DOCK7: variants seen among roughly 807,000 people sequenced by gnomAD.
DOCK7 encodes dedicator of cytokinesis protein 7.
Under a neutral mutation model 271.0 loss-of-function variants are expected in DOCK7, and 138 were observed. That is an observed-to-expected ratio of 0.51 (90% CI 0.44 to 0.59). The LOEUF (loss-of-function observed/expected upper bound fraction) is 0.59, where lower values mean the gene tolerates loss of function less well. Among genes scored for constraint, DOCK7 ranks in the 20% least tolerant of loss-of-function variants. The pLI, the probability that DOCK7 is intolerant of heterozygous loss-of-function variation, is 0.00. For synonymous variants in DOCK7, 823 were observed against 876.1 expected, an observed-to-expected ratio of 0.94 and a Z score of 1.07; for missense variants, 2,066 against 2,592.4, an observed-to-expected ratio of 0.80 and a Z score of 4.41.
chr1:62,477,318 G>T (rs1297035853), intron 44 of DOCK7, among the ~76,000 whole-genome samples: 1 of 152,158 alleles, frequency 6.6e-6, no homozygotes, highest in East Asian at 1.9e-4. Flanking sequence ...AAGCCAAAGA[G>T]ATAATATGCT....
At chr1:62,620,975 C>A (rs1438214109) in intron 12 of DOCK7, among the ~76,000 whole-genome samples, 2 of 142,552 alleles carry the variant, frequency 1.4e-5, no homozygotes, top group African/African-American at 5.2e-5. Flanking sequence ...AGACATAAAA[C>A]AGAATCAAAA....
At chr1:62,664,495 G>A (rs532618623) in intron 1 of DOCK7, among the ~76,000 whole-genome samples, 7 of 152,214 alleles carry the variant, frequency 4.6e-5, no homozygotes, top group African/African-American at 1.4e-4. Flanking sequence ...GTGGAACTAC[G>A]AGTCCATTAA....
chr1:62,542,534 G>A, intron 25 of DOCK7, 74 bp downstream of exon 25: 1 of 1,414,100 alleles, frequency 7.1e-7, no homozygotes, highest in Non-Finnish European at 9.7e-7. Flanking sequence ...AGATTTCTAA[G>A]GTAACAAATG....
intron 18 of DOCK7, among the ~76,000 whole-genome samples, chr1:62,570,605 C>T (rs1646739335): frequency 6.6e-6 from 1 of 152,124 alleles, no homozygotes; most frequent in Non-Finnish European, 1.5e-5. Context: ...CAAGACAATT[C>T]TAAACAAAAA....
intron 1 of DOCK7, among the ~76,000 whole-genome samples, chr1:62,674,681 C>T (rs1427668716): frequency 1.3e-5 from 2 of 152,026 alleles, no homozygotes; most frequent in African/African-American, 4.8e-5. Flanking sequence ...TTTTTTTTGA[C>T]AATGGTGCCA....
At chr1:62,633,440 T>A in intron 10 of DOCK7, 58 bp downstream of exon 10, 1 of 1,301,770 alleles carries the variant, frequency 7.7e-7, no homozygotes, top group Non-Finnish European at 1.1e-6. Context: ...GGGAGAATAG[T>A]ATTCTCCCAA....
chr1:62,681,564 A>G lies in DOCK7; in HGVS notation c.38+6663T>C, dbSNP rs564761637. ...AATAAAAAAAATAAAATAAAAATAC[A>G]AAAAAAAAAAGATTGCCATCTATGA... On this transcript the variant is annotated intron_variant, in intron 1 of 49. Transcript: ENST00000635253. Among the ~76,000 whole-genome samples the G allele has an allele frequency of 1.1e-4, 16 of 144,300 alleles. 1 individual carries two copies. The South Asian group carries it at 2.2e-3, about 20-fold the overall frequency. 94.7% of individuals were successfully genotyped at this position (144,300 alleles called of 152,430 possible).
At chr1:62,649,389 A>G (rs1657061382) in intron 4 of DOCK7, among the ~76,000 whole-genome samples, 2 of 152,178 alleles carry the variant, frequency 1.3e-5, no homozygotes, top group African/African-American at 2.4e-5. Context: ...TAGCAATTAC[A>G]TGATATTAAC....
At chr1:62,644,817 A>G (rs1461013378) in intron 7 of DOCK7, among the ~76,000 whole-genome samples, 3 of 152,122 alleles carry the variant, frequency 2.0e-5, no homozygotes, top group African/African-American at 7.2e-5. Context: ...CTCACTTTAA[A>G]CCTGGACTTT....
rs544156307 is a variant in DOCK7, at chr1:62,661,586, T to C, written c.144+1439A>G. Among the ~76,000 whole-genome samples the C allele has an allele frequency of 2.0e-5, 3 of 152,212 alleles. No individual in the cohort carries two copies. The South Asian group carries it at 6.2e-4, about 32-fold the overall frequency. On this transcript the variant is annotated intron_variant, in intron 2 of 49. Transcript: ENST00000635253. ...TTCTAGGGCAGTATATAGCTCAGAA[T>C]TTAAAATGTCACAAATAAATACTCA...
chr1:62,654,145 T>C lies in DOCK7; in HGVS notation c.159A>G (p.Glu53=), dbSNP rs761155815. Residue 53 remains glutamate, a synonymous_variant, in exon 3 of 50, where the codon GAA becomes GAG. Coordinates refer to ENST00000635253, the MANE Select transcript of DOCK7 (RefSeq NM_001367561.1). ...CTTCCAAATCCACTGGATCTACTGC[T>C]TCGGTAAGGGGCACCTTTGTAAAAA... ...ISHHTTVPLT[E]AVDPVDLEDY... is the part of the protein sequence containing the mutation. 1 of 1,612,912 alleles carries C rather than the reference T, an allele frequency of 6.2e-7. No homozygotes were observed. The highest frequency in any genetic ancestry group is 8.5e-7 in the Non-Finnish European group (1 of 1,179,368).
chr1:62,623,484 C>CA (rs899519590), intron 12 of DOCK7, among the ~76,000 whole-genome samples: 1 of 152,020 alleles, frequency 6.6e-6, no homozygotes, highest in African/African-American at 2.4e-5. Context: ...GATGAATGCT[C>CA]AAAAAATACT....
chr1:62,513,237 G>A (rs1644542991), intron 33 of DOCK7, among the ~76,000 whole-genome samples: 1 of 115,030 alleles, frequency 8.7e-6, no homozygotes, highest in African/African-American at 3.4e-5. Context: ...TTCTAGAGAA[G>A]ACTTTCTAGA....
In DOCK7 at chr1:62,537,310, C is replaced by T. The variant is rs531296456; in HGVS notation, c.3471+581G>A. On this transcript the variant is annotated intron_variant, in intron 28 of 49. Transcript: ENST00000635253. The stretch of plus-strand genomic sequence containing the variant: ...TTAAGAACTTGGGCTCGGCCGGGAG[C>T]GGTGGTTCATGCCTGTAATCCCAGC... Among the ~76,000 whole-genome samples the T allele has an allele frequency of 1.3e-3, 194 of 151,890 alleles. 1 individual carries two copies. Among genetic ancestry groups the T allele is most frequent in the African/African-American group, 3.9e-3 (161 of 41,394 alleles).
intron 2 of DOCK7, among the ~76,000 whole-genome samples, chr1:62,656,477 T>C (rs2149701147): frequency 6.6e-6 from 1 of 152,076 alleles, no homozygotes; most frequent in Middle Eastern, 3.4e-3. Context: ...AACCCTCAAA[T>C]AAATGGGAAA....
intron 28 of DOCK7, among the ~76,000 whole-genome samples, 178 bp from the exon 29 acceptor site, chr1:62,535,810 A>C (rs866824345): frequency 1.3e-5 from 2 of 152,356 alleles, no homozygotes; most frequent in African/African-American, 4.8e-5. Context: ...AGATTGCTTT[A>C]TTAAGTTAAT....
intron 2 of DOCK7, among the ~76,000 whole-genome samples, chr1:62,655,481 A>G (rs150918167): frequency 1.0e-3 from 151 of 150,288 alleles, no homozygotes; most frequent in African/African-American, 3.1e-3. Flanking sequence ...CTAGAGTGCA[A>G]TGGTGCAATT....
chr1:62,589,659 A>T (rs1204520384), intron 14 of DOCK7, among the ~76,000 whole-genome samples: 1 of 152,064 alleles, frequency 6.6e-6, no homozygotes, highest in Non-Finnish European at 1.5e-5. Flanking sequence ...CTTCATACTG[A>T]TATTTCCAAC....
intron 1 of DOCK7, among the ~76,000 whole-genome samples, chr1:62,672,195 A>G (rs1660092828): frequency 6.6e-6 from 1 of 152,158 alleles, no homozygotes; most frequent in Admixed American, 6.5e-5. Context: ...CATTACATAT[A>G]TAAGAAATCC....
Sources: allele counts gnomAD v4.1 joint callset (sites outside exome capture counted in the v4.1 genomes callset), GRCh38; gene constraint gnomAD v4.1.1; transcripts MANE v1.5; gene names NCBI Gene and HGNC (gene_info 2026-07-23, HGNC 2026-07-21).